The following KATNB1 variants were observed in gnomAD, a reference collection of about 807,000 sequenced individuals.
The protein encoded by KATNB1 is katanin regulatory subunit B1.
Under a neutral mutation model 82.3 loss-of-function variants are expected in KATNB1, and 38 were observed. The ratio of observed to expected loss-of-function variants is 0.46; its 90% CI spans 0.36 to 0.61. The LOEUF is 0.61. Ranked by LOEUF, KATNB1 falls within the 20% of genes least tolerant of loss-of-function variation. The pLI is 0.00. For missense variants in KATNB1, 749 were observed against 915.7 expected, an observed-to-expected ratio of 0.82 and a Z score of 2.35; for synonymous variants, 361 against 368.7, an observed-to-expected ratio of 0.98 and a Z score of 0.24.
chr16:57,738,498 C>G (rs987456739), intron 2 of KATNB1, among the ~76,000 whole-genome samples: 13 of 152,264 alleles, frequency 8.5e-5, no homozygotes, highest in African/African-American at 3.1e-4. Context: ...TCAGGTGATC[C>G]ACGTGCCTCA....
rs1429268176 is a variant in KATNB1, at chr16:57,737,040, G to T, written c.-204G>T. Reference sequence around the variant, plus strand: ...CATGATCCAGGATCGTGACAGATGTGCACAGGCTGCTGCTGTTGCTGCTGT... The same window carrying T: ...CATGATCCAGGATCGTGACAGATGTTCACAGGCTGCTGCTGTTGCTGCTGT... On this transcript the variant is annotated 5_prime_UTR_variant, in exon 2 of 20. Transcript: ENST00000379661. 6 of 706,424 alleles carry T rather than the reference G, an allele frequency of 8.5e-6. No homozygotes were observed. Among genetic ancestry groups the T allele is most frequent in the Middle Eastern group, 2.3e-4 (1 of 4,390 alleles). The allele number at this position is 706,424 out of a possible 1,614,324, so 43.8% of individuals were successfully genotyped here. A position where few individuals can be genotyped will look rare whatever the true frequency, so the allele number is the denominator to read the frequency against.
chr16:57,753,369 G>A lies in KATNB1; in HGVS notation c.1047-20G>A, dbSNP rs369286431. 3 of 1,606,046 alleles carry A rather than the reference G, an allele frequency of 1.9e-6. No individual in the cohort carries two copies. Among genetic ancestry groups the A allele is most frequent in the African/African-American group, 2.7e-5 (2 of 74,788 alleles). On this transcript the variant is annotated intron_variant, in intron 11 of 19. Coordinates refer to ENST00000379661, the MANE Select transcript of KATNB1 (RefSeq NM_005886.3). ...CTCACAGGGCACCTGCTTCCGTTGGGCTTGGCCTCACGCTCCCAGGGTGAA... is the reference window on the plus strand; with the variant it reads ...CTCACAGGGCACCTGCTTCCGTTGGACTTGGCCTCACGCTCCCAGGGTGAA...
In KATNB1 at chr16:57,756,453, G is replaced by A. The variant is rs782573019; in HGVS notation, c.1816G>A (p.Asp606Asn). The change falls in exon 19 of 20, where the codon GAT (aspartate) becomes AAT (asparagine). Residue 606 changes from aspartate to asparagine, a missense_variant. By Grantham distance (23) the Asp-to-Asn change is conservative. Coordinates refer to ENST00000379661, the MANE Select transcript of KATNB1 (RefSeq NM_005886.3). ...GGCGGCCCCACCCTCTGTGGGTGTG[G>A]ATATCAGCAGGGAGGAGAGGTGAGG... ...MLAAPPSVGV[D>N]ISREERLHKC... 1.2e-6 allele frequency: 2 copies of A among 1,613,634 alleles called. No homozygotes were observed. Among genetic ancestry groups the A allele is most frequent in the East Asian group, 2.2e-5 (1 of 44,884 alleles).
intron 4 of KATNB1, 87 bp from the exon 5 acceptor site, chr16:57,750,740 C>A: frequency 1.1e-6 from 1 of 948,458 alleles, no homozygotes; most frequent in Non-Finnish European, 1.7e-6. Flanking sequence ...AATCCAAAAG[C>A]GCACACACAA....
Position 57,756,776 on chromosome 16 carries a change from G to A in KATNB1, c.1836-38G>A, listed in dbSNP as rs575166320. The A allele has an allele frequency of 1.6e-5, 24 of 1,505,396 alleles. No homozygotes were observed. The South Asian group carries it at 2.1e-4, about 13-fold the overall frequency. The allele number at this position is 1,505,396 out of a possible 1,614,324, so 93.3% of individuals were successfully genotyped here. On this transcript the variant is annotated intron_variant, in intron 19 of 19. Transcript: ENST00000379661. ...CCTGGGGTTGGGTGTGGGTGGTGGT[G>A]GTGCCAGCTAGCCCCTCAGGCACTG...
intron 4 of KATNB1, among the ~76,000 whole-genome samples, chr16:57,745,706 G>T (rs1183597597): frequency 6.6e-6 from 1 of 152,088 alleles, no homozygotes; most frequent in Non-Finnish European, 1.5e-5. Flanking sequence ...TCAATAGGTG[G>T]TGTTTATAAT....
intron 4 of KATNB1, among the ~76,000 whole-genome samples, chr16:57,748,800 C>T (rs1276612067): frequency 2.6e-5 from 4 of 152,210 alleles, no homozygotes; most frequent in Non-Finnish European, 5.9e-5. Context: ...CACAGGAGGG[C>T]GGCCGGTGCT....
intron 12 of KATNB1, 129 bp downstream of exon 12, chr16:57,753,648 A>T (rs1555584506): frequency 1.6e-6 from 2 of 1,267,888 alleles, no homozygotes; most frequent in Non-Finnish European, 2.2e-6. Context: ...TGGGCTCCGT[A>T]TCCTGTCCTC....
chr16:57,747,741 G>A (rs1161656207), intron 4 of KATNB1, among the ~76,000 whole-genome samples: 2 of 152,008 alleles, frequency 1.3e-5, no homozygotes, highest in Admixed American at 6.5e-5. Context: ...GAATCCCAGC[G>A]CGTGGGCACC....
At position 57,737,198 on chromosome 16, in the gene KATNB1, A is replaced by G; in HGVS notation, c.-46A>G. 6.2e-7 allele frequency: 1 copy of G among 1,612,398 alleles called. No homozygotes were observed. Among genetic ancestry groups the G allele is most frequent in the Non-Finnish European group, 8.5e-7 (1 of 1,178,922 alleles). On this transcript the variant is annotated 5_prime_UTR_variant, in exon 2 of 20. Transcript: ENST00000379661. ...TCCACCCCCACCCCACGAGGAAAGC[A>G]CAGTTTATTTTGTGGGTGGGGCTTC... is the stretch of plus-strand genomic sequence containing the variant.
chr16:57,750,935 G>T lies in KATNB1; in HGVS notation c.390+8G>T. 1 of 1,607,674 alleles carries T rather than the reference G, an allele frequency of 6.2e-7. No individual in the cohort carries two copies. ...CAGGACACAAACATCAAGGTGAGAG[G>T]CCGGTCCGTGCCCCGTGTCTCCTGC... On this transcript the variant is annotated splice_region_variant and intron_variant, in intron 5 of 19. Coordinates refer to ENST00000379661, the MANE Select transcript of KATNB1 (RefSeq NM_005886.3).
At chr16:57,739,192 C>G (rs2049124988) in intron 2 of KATNB1, among the ~76,000 whole-genome samples, 1 of 152,154 alleles carries the variant, frequency 6.6e-6, no homozygotes, top group Non-Finnish European at 1.5e-5. Flanking sequence ...TGTGTGCGAG[C>G]AGGAGGTAAT....
chr16:57,743,876 G>A (rs1290966588), intron 3 of KATNB1, among the ~76,000 whole-genome samples: 2 of 152,194 alleles, frequency 1.3e-5, no homozygotes, highest in African/African-American at 4.8e-5. Context: ...TCCTCCAACC[G>A]CCACAGCCCT....
rs371315290 is a variant in KATNB1 at position 57,750,854 on chromosome 16, C to G, written c.317C>G (p.Ala106Gly). 1.2e-6 allele frequency: 2 copies of G among 1,614,196 alleles called. No homozygotes were observed. ...KILRTLMGHKANICSLDFHPY... is the reference protein window; with the variant it reads ...KILRTLMGHKGNICSLDFHPY... ...CTTCGCACACTCATGGGACACAAAG[C>G]CAACATCTGCAGCCTGGATTTCCAC... The change falls in exon 5 of 20, where the codon GCC becomes GGC. Residue 106 changes from alanine (A) to glycine (G), a missense_variant. Physicochemically the swap from Ala to Gly is moderately conservative, Grantham distance 60 (BLOSUM62 0). Transcript: ENST00000379661.
chr16:57,740,448 G>A (rs1262297108), intron 2 of KATNB1, among the ~76,000 whole-genome samples: 2 of 152,252 alleles, frequency 1.3e-5, no homozygotes, highest in East Asian at 3.8e-4. Flanking sequence ...AGACACCCAG[G>A]CAGGGTGGAG....
rs1295744964 is a variant in KATNB1, at chr16:57,736,972, T to C, written c.-266-6T>C. On this transcript the variant is annotated splice_region_variant and splice_polypyrimidine_tract_variant and intron_variant, in intron 1 of 19. Transcript: ENST00000379661. ...AACATGACGTCACCTCTTGTTTGTATTGCAGCCCTGTATTGAGCTGAGATG... is the reference window on the plus strand; with the variant it reads ...AACATGACGTCACCTCTTGTTTGTACTGCAGCCCTGTATTGAGCTGAGATG... 1.5e-6 allele frequency: 1 copy of C among 684,226 alleles called. No individual in the cohort carries two copies. The highest frequency in any genetic ancestry group is 1.8e-5 in the African/African-American group (1 of 57,000). 42.4% of individuals were successfully genotyped at this position (684,226 alleles called of 1,614,324 possible).
chr16:57,751,752 G>C lies in KATNB1; in HGVS notation c.516+28G>C. The C allele has an allele frequency of 6.3e-7, 1 of 1,595,306 alleles. No homozygotes were observed. Among genetic ancestry groups the C allele is most frequent in the Non-Finnish European group, 8.5e-7 (1 of 1,170,566 alleles). ...AGCTCCCGGCCTGACCTGGGCCCAG[G>C]GGCTGGGGGCTGGGGTCTGCTGATC... On this transcript the variant is annotated intron_variant, in intron 7 of 19. Coordinates refer to ENST00000379661, the MANE Select transcript of KATNB1 (RefSeq NM_005886.3). The surrounding 1 kb of genome is among the most constrained non-coding windows in gnomAD (Gnocchi z 6.3).
Position 57,748,940 on chromosome 16 carries a change from C to T in KATNB1, c.290-1887C>T, listed in dbSNP as rs1280492172. 5.9e-5 allele frequency among the ~76,000 whole-genome samples: 9 copies of T among 152,352 alleles called. No individual in the cohort carries two copies. In the East Asian group the frequency reaches 1.3e-3, roughly 23 times the overall value. ...GGGTGTGGACTGGAGCAAGAGCCAG[C>T]GTGGCCTCCTTGGCCAGGAGGCAAT... On this transcript the variant is annotated intron_variant, in intron 4 of 19. Coordinates refer to ENST00000379661, the MANE Select transcript of KATNB1 (RefSeq NM_005886.3).
Position 57,752,943 on chromosome 16 carries a change from G to A in KATNB1, c.855+15G>A. ...ATGACCAGTTGGTGAGAGAGCCATG[G>A]CACCCACCGCCCCCCACTCCCACAG... On this transcript the variant is annotated intron_variant, in intron 10 of 19. Coordinates refer to ENST00000379661, the MANE Select transcript of KATNB1 (RefSeq NM_005886.3). 1.2e-6 allele frequency: 2 copies of A among 1,600,378 alleles called. No individual in the cohort carries two copies. The highest frequency in any genetic ancestry group is 1.7e-6 in the Non-Finnish European group (2 of 1,179,134).
Sources: allele counts gnomAD v4.1 joint callset (sites outside exome capture counted in the v4.1 genomes callset), GRCh38; gene constraint gnomAD v4.1.1; non-coding constraint Gnocchi (gnomAD v3.1); transcripts MANE v1.5; gene names NCBI Gene and HGNC (gene_info 2026-07-23, HGNC 2026-07-21).